Variants in SDK1 observed in about 807,000 individuals in gnomAD.
SDK1 encodes sidekick cell adhesion molecule 1, also known as protein sidekick-1.
SDK1 carries 157 observed loss-of-function variants against 245.5 expected under a neutral mutation model. The observed-to-expected ratio is 0.64, with a 90% confidence interval of 0.56 to 0.73. The LOEUF is 0.73. Among genes scored for constraint, SDK1 ranks in the 30% least tolerant of loss-of-function variants. The pLI is 0.00. For missense variants in SDK1, 3,583 were observed against 3,002.3 expected (o/e 1.19, Z -4.52); for synonymous variants, 1,647 against 1,278.5 (o/e 1.29, Z -6.15).
At chr7:4,132,282 A>T (rs1261086394) in intron 27 of SDK1, 43 bp from the exon 28 acceptor site, 1 of 1,495,064 alleles carries the variant, frequency 6.7e-7, no homozygotes, top group Non-Finnish European at 9.3e-7. Context: ...GCACCCAAGG[A>T]ACACTGTCTT....
intron 4 of SDK1, among the ~76,000 whole-genome samples, chr7:3,702,331 G>T (rs989917674): frequency 6.6e-6 from 1 of 152,150 alleles, no homozygotes; most frequent in South Asian, 2.1e-4. Context: ...TTTTACTATT[G>T]TACGTTTTCT....
At chr7:3,507,016 A>C (rs568764227) in intron 1 of SDK1, among the ~76,000 whole-genome samples, 101 of 152,122 alleles carry the variant, frequency 6.6e-4, no homozygotes, top group African/African-American at 2.3e-3. Flanking sequence ...AAGTATGTCA[A>C]CTTAGTCTCT....
intron 1 of SDK1, among the ~76,000 whole-genome samples, chr7:3,415,986 C>T (rs1002603460): frequency 7.2e-5 from 11 of 152,094 alleles, no homozygotes; most frequent in African/African-American, 2.2e-4. Context: ...ATGAGGCTTG[C>T]AATTACCAGA....
chr7:3,659,657 A>G (rs558934016), intron 4 of SDK1, among the ~76,000 whole-genome samples: 1 of 152,344 alleles, frequency 6.6e-6, no homozygotes, highest in Admixed American at 6.5e-5. Flanking sequence ...GGGTGGATTT[A>G]TACCAGGAGA....
chr7:3,504,182 A>ATATGTGTGTGTGTGTGTGTGTGTG lies in SDK1; in HGVS notation c.299-114897_299-114896insATGTGTGTGTGTGTGTGTGTGTGT, dbSNP rs375661314. 3.0e-3 allele frequency among the ~76,000 whole-genome samples: 402 copies of ATATGTGTGTGTGTGTGTGTGTGTG among 131,900 alleles called. 2 individuals carry two copies. The highest frequency in any genetic ancestry group is 6.6e-3 in the Admixed American group (81 of 12,282). 86.5% of individuals were successfully genotyped at this position (131,900 alleles called of 152,430 possible). ...AACCAAAAAAATTATATATATATAT[A>ATATGTGTGTGTGTGTGTGTGTGTG]TGTGTGTGTGTGTGTGTGTGTGTGT... is the stretch of plus-strand genomic sequence containing the variant. On this transcript the variant is annotated intron_variant, in intron 1 of 44. Transcript: ENST00000404826.
chr7:3,416,508 C>T (rs1779370394), intron 1 of SDK1, among the ~76,000 whole-genome samples: 2 of 148,818 alleles, frequency 1.3e-5, no homozygotes, highest in African/African-American at 5.0e-5. Flanking sequence ...TGGAGGCCTG[C>T]AGAAAGGTGC....
chr7:3,535,152 T>A (rs755745809), intron 1 of SDK1, among the ~76,000 whole-genome samples: 7 of 152,166 alleles, frequency 4.6e-5, no homozygotes, highest in African/African-American at 9.7e-5. Context: ...GATACGCACC[T>A]GTAATCCCAG....
At chr7:3,521,717 C>G (rs55878136) in intron 1 of SDK1, among the ~76,000 whole-genome samples, 39,374 of 151,918 alleles carry the variant, frequency 0.26, 5,295 homozygotes, top group East Asian at 0.34. Flanking sequence ...TCAACTTGAA[C>G]AAATAGGATG....
At chr7:3,804,419 A>G (rs1042491873) in intron 4 of SDK1, among the ~76,000 whole-genome samples, 6 of 151,874 alleles carry the variant, frequency 4.0e-5, no homozygotes, top group African/African-American at 1.5e-4. Context: ...TCTCTTTCTG[A>G]GTTCTTTATT....
intron 19 of SDK1, among the ~76,000 whole-genome samples, chr7:4,067,418 G>C (rs750890001): frequency 4.6e-5 from 7 of 152,298 alleles, no homozygotes; most frequent in South Asian, 2.1e-4. Context: ...CTGGGCCCAG[G>C]GTCCTTTTCT....
At chr7:3,410,218 C>G (rs1242160958) in intron 1 of SDK1, among the ~76,000 whole-genome samples, 3 of 152,102 alleles carry the variant, frequency 2.0e-5, no homozygotes, top group Non-Finnish European at 4.4e-5. Context: ...CATGACACCT[C>G]AAAGTGGAAA....
chr7:3,370,304 G>A lies in SDK1; in HGVS notation c.298+68420G>A, dbSNP rs1259111865. Among the ~76,000 whole-genome samples the A allele has an allele frequency of 2.0e-5, 3 of 152,196 alleles. No individual in the cohort carries two copies. In the South Asian group the frequency reaches 6.2e-4, roughly 32 times the overall value. On this transcript the variant is annotated intron_variant, in intron 1 of 44. Coordinates refer to ENST00000404826, the MANE Select transcript of SDK1 (RefSeq NM_152744.4). ...GATGGCTCTTTCTCTTCAGTACAGG[G>A]TGTACCAACAAAGAGAGACAGTTAC...
chr7:3,769,494 G>A (rs1780346286), intron 4 of SDK1, among the ~76,000 whole-genome samples: 2 of 152,116 alleles, frequency 1.3e-5, no homozygotes, highest in African/African-American at 4.8e-5. Context: ...CACTCATGAG[G>A]TCAGAGTCCT....
intron 2 of SDK1, among the ~76,000 whole-genome samples, chr7:3,626,009 T>C (rs1213429823): frequency 6.7e-6 from 1 of 149,178 alleles, no homozygotes; most frequent in African/African-American, 2.5e-5. Context: ...AGTAGTGTAA[T>C]CATAGCTCAT....
intron 1 of SDK1, among the ~76,000 whole-genome samples, chr7:3,571,322 G>C (rs950718703): frequency 6.6e-6 from 1 of 151,470 alleles, no homozygotes. Flanking sequence ...TTTTTTTTGA[G>C]ATGGGGATCT....
chr7:4,183,237 C>A (rs1584392009), intron 35 of SDK1, among the ~76,000 whole-genome samples: 2 of 152,274 alleles, frequency 1.3e-5, no homozygotes, highest in South Asian at 2.1e-4. Context: ...CTCAAAAGAT[C>A]AATTGTAGTT....
intron 1 of SDK1, among the ~76,000 whole-genome samples, chr7:3,396,628 A>T (rs1781902926): frequency 1.3e-5 from 2 of 151,742 alleles, no homozygotes; most frequent in Admixed American, 6.6e-5. Context: ...TTCTAGTAAC[A>T]ATTTTTGTCT....
At chr7:3,692,545 T>A (rs1429289730) in intron 4 of SDK1, among the ~76,000 whole-genome samples, 1 of 152,208 alleles carries the variant, frequency 6.6e-6, no homozygotes, top group Non-Finnish European at 1.5e-5. Context: ...ATTATTTGTT[T>A]ATTTGGGTAC....
At chr7:3,341,169 A>T (rs1185239090) in intron 1 of SDK1, among the ~76,000 whole-genome samples, 1 of 152,212 alleles carries the variant, frequency 6.6e-6, no homozygotes, top group Non-Finnish European at 1.5e-5. Flanking sequence ...AATATTTAAC[A>T]TGACCAAATG....
Sources: gnomAD v4.1 joint callset for allele counts (sites outside exome capture counted in the v4.1 genomes callset) on GRCh38, gnomAD v4.1.1 for gene constraint, MANE v1.5 for transcripts, NCBI Gene and HGNC (gene_info 2026-07-23, HGNC 2026-07-21) for gene names.